LRP4: variants seen among roughly 807,000 people sequenced by gnomAD.
LRP4 encodes LDL receptor related protein 4.
LRP4 carries 95 observed loss-of-function variants against 220.3 expected under a neutral mutation model. The observed-to-expected ratio is 0.43, with a 90% CI of 0.37 to 0.51. The LOEUF is 0.51. Ranked by LOEUF, LRP4 falls within the 20% of genes least tolerant of loss-of-function variation. LRP4 has a pLI of 0.00. For synonymous variants in LRP4, 903 were observed against 954.6 expected (o/e 0.95, Z 1.00); for missense variants, 1,925 against 2,567.0 (o/e 0.75, Z 5.40).
At chr11:46,897,334 C>CTTTTTTTTTTTTTTTTTTTTTT in intron 7 of LRP4, among the ~76,000 whole-genome samples, 1 of 128,098 alleles carries the variant, frequency 7.8e-6, no homozygotes, top group South Asian at 2.5e-4. Context: ...GCCTGTTTGT[C>CTTTTTTTTTTTTTTTTTTTTTT]TTTTTTTTTT....
chr11:46,890,230 G>T lies in LRP4; in HGVS notation c.1915+47C>A, dbSNP rs2306037. 1 of 1,606,658 alleles carries T rather than the reference G, an allele frequency of 6.2e-7. No individual in the cohort carries two copies. The highest frequency in any genetic ancestry group is 1.1e-5 in the South Asian group (1 of 90,906). On this transcript the variant is annotated intron_variant, in intron 14 of 37. Transcript: ENST00000378623. The surrounding 1 kb of genome is among the most constrained non-coding windows in gnomAD (Gnocchi z 5.3). ...ACCAAGGCTCCTGGGGGGCAGGGAC[G>T]GGGGCAGGAGGACAAGAGATGAAGG...
At chr11:46,871,784 C>A in intron 30 of LRP4, 151 bp from the exon 31 acceptor site, 1 of 696,422 alleles carries the variant, frequency 1.4e-6, no homozygotes, top group Admixed American at 2.0e-5. Flanking sequence ...TTGTGAGTCC[C>A]AAAGCTGAAG....
chr11:46,872,941 A>T, intron 30 of LRP4, 159 bp downstream of exon 30: 1 of 1,100,266 alleles, frequency 9.1e-7, no homozygotes, highest in Non-Finnish European at 1.4e-6. Flanking sequence ...GGATTTAGCA[A>T]TCGCTGCTCT....
chr11:46,894,584 C>T lies in LRP4; in HGVS notation c.1540+5G>A. 6.3e-7 allele frequency: 1 copy of T among 1,594,950 alleles called. No homozygotes were observed. Among genetic ancestry groups the T allele is most frequent in the Non-Finnish European group, 8.5e-7 (1 of 1,169,964 alleles). Reference sequence around the variant, plus strand: ...TGCCCCTCTCCATGGGGCCTTGTTCCCTACCTGGGCTCTCCAGCCCAGTAG... The same window carrying T: ...TGCCCCTCTCCATGGGGCCTTGTTCTCTACCTGGGCTCTCCAGCCCAGTAG... On this transcript the variant is annotated splice_donor_5th_base_variant and intron_variant, in intron 12 of 37. Transcript: ENST00000378623.
chr11:46,900,002 C>T, intron 3 of LRP4, 26 bp from the exon 4 acceptor site: 2 of 1,574,508 alleles, frequency 1.3e-6, no homozygotes, highest in South Asian at 2.2e-5. Flanking sequence ...AGTCAGGCTG[C>T]TGCAGGCAGT....
At position 46,881,058 on chromosome 11, in the gene LRP4, C is replaced by CAAAAAAAAAAAAAA. The variant is rs60125188; in HGVS notation, c.2814+630_2814+643dup. ...CAGCATGACCCTGCCTCTAAAAAAC[C>CAAAAAAAAAAAAAA]AAAAAAAAAAAAAAAAAAAAAAAAA... On this transcript the variant is annotated intron_variant, in intron 20 of 37. Coordinates refer to ENST00000378623, the MANE Select transcript of LRP4 (RefSeq NM_002334.4). 2.0e-4 allele frequency among the ~76,000 whole-genome samples: 11 copies of CAAAAAAAAAAAAAA among 56,108 alleles called. 1 individual carries two copies. The highest frequency in any genetic ancestry group is 1.4e-3 in the East Asian group (2 of 1,478). 36.8% of individuals were successfully genotyped at this position (56,108 alleles called of 152,430 possible). A position where few individuals can be genotyped will look rare whatever the true frequency, so the allele number is the denominator to read the frequency against.
chr11:46,861,409 A>C (rs1293068638), intron 37 of LRP4, among the ~76,000 whole-genome samples: 1 of 152,156 alleles, frequency 6.6e-6, no homozygotes, highest in Non-Finnish European at 1.5e-5. Flanking sequence ...GAGGATCTTC[A>C]TAAGGAATAA....
At position 46,873,183 on chromosome 11, in the gene LRP4, G is replaced by C. The variant is rs369665635; in HGVS notation, c.4500C>G (p.Asn1500Lys). The change falls in exon 30 of 38, where the codon AAC (asparagine) becomes AAG (lysine). Residue 1500 changes from asparagine (N) to lysine (K), a missense_variant. Asn to Lys is a moderately conservative substitution (Grantham distance 94, BLOSUM62 0). This residue lies in a region of LRP4 where 1,244 missense variants were observed against 1,624.9 expected (regional missense o/e 0.77). Transcript: ENST00000378623. This position sits in a 1 kb window ranked among gnomAD's most constrained non-coding sequence, Gnocchi z 4.2. ...WGHIAKIERANLDGSERKVLI... is the reference protein window; with the variant it reads ...WGHIAKIERAKLDGSERKVLI... ...GGACCTTCCGCTCAGAACCATCCAAGTTTGCCCGTTCGATCTTGGCAATGT... is the reference window on the plus strand; with the variant it reads ...GGACCTTCCGCTCAGAACCATCCAACTTTGCCCGTTCGATCTTGGCAATGT... 1.9e-6 allele frequency: 3 copies of C among 1,614,076 alleles called. No homozygotes were observed. The highest frequency in any genetic ancestry group is 2.5e-6 in the Non-Finnish European group (3 of 1,180,052).
chr11:46,895,771 G>A (rs1273512453), intron 10 of LRP4, 113 bp downstream of exon 10: 3 of 1,453,044 alleles, frequency 2.1e-6, no homozygotes, highest in African/African-American at 2.8e-5. Flanking sequence ...GGGTTATTGT[G>A]AGGACGAAAT....
At position 46,873,056 on chromosome 11, in the gene LRP4, T is replaced by C. The variant is rs751065296; in HGVS notation, c.4583+44A>G. The C allele has an allele frequency of 6.2e-7, 1 of 1,613,798 alleles. No homozygotes were observed. The highest frequency in any genetic ancestry group is 8.5e-7 in the Non-Finnish European group (1 of 1,179,840). ...GGTTAATCTCAACCATTCTCTCTTC[T>C]GCCCACCCGATTTCCAGGAGGCTGT... On this transcript the variant is annotated intron_variant, in intron 30 of 37. Transcript: ENST00000378623. This position sits in a 1 kb window ranked among gnomAD's most constrained non-coding sequence, Gnocchi z 4.2.
intron 1 of LRP4, among the ~76,000 whole-genome samples, chr11:46,903,287 A>G (rs1261020057): frequency 1.3e-5 from 2 of 152,172 alleles, no homozygotes; most frequent in Admixed American, 1.3e-4. Context: ...TGAGCTCAGA[A>G]GTTCAAGACC....
chr11:46,860,337 T>C (rs952828978), intron 37 of LRP4, among the ~76,000 whole-genome samples: 2 of 152,010 alleles, frequency 1.3e-5, no homozygotes, highest in South Asian at 4.2e-4. Context: ...CTTATAACCT[T>C]TTTTGGGAGG....
chr11:46,902,296 T>C (rs551789331), intron 2 of LRP4, among the ~76,000 whole-genome samples: 1 of 148,040 alleles, frequency 6.8e-6, no homozygotes, highest in Admixed American at 6.8e-5. Flanking sequence ...GAGGTGGAGG[T>C]TGCAGTGAGC....
At chr11:46,882,299 T>C (rs1175577202) in intron 19 of LRP4, among the ~76,000 whole-genome samples, 2 of 150,862 alleles carry the variant, frequency 1.3e-5, no homozygotes, top group African/African-American at 4.9e-5. Flanking sequence ...CTGGGCAACA[T>C]AGTAGGATCC....
At chr11:46,888,548 C>CAAAAAAAA (rs71042635) in intron 16 of LRP4, among the ~76,000 whole-genome samples, 3,768 of 31,066 alleles carry the variant, frequency 0.12, 1,067 homozygotes, top group Non-Finnish European at 0.2. Context: ...AAAACTGTCT[C>CAAAAAAAA]AAAAAAAAAA....
At chr11:46,909,526 A>G (rs971403451) in intron 1 of LRP4, among the ~76,000 whole-genome samples, 26 of 89,798 alleles carry the variant, frequency 2.9e-4, no homozygotes, top group African/African-American at 8.9e-4. Context: ...AATGGCGTGA[A>G]CCCGGGAAGC....
chr11:46,912,964 T>C (rs1163430429), intron 1 of LRP4, among the ~76,000 whole-genome samples: 1 of 152,064 alleles, frequency 6.6e-6, no homozygotes, highest in African/African-American at 2.4e-5. Context: ...TGCTTGCCGC[T>C]CTGATCCTCA....
chr11:46,889,862 A>C, intron 15 of LRP4, 82 bp downstream of exon 15: 1 of 1,492,070 alleles, frequency 6.7e-7, no homozygotes, highest in East Asian at 2.3e-5. Context: ...GGCAACTCTA[A>C]GGGGAAGGAA....
intron 2 of LRP4, among the ~76,000 whole-genome samples, chr11:46,902,442 T>C (rs1941684632): frequency 6.7e-6 from 1 of 149,928 alleles, no homozygotes; most frequent in Non-Finnish European, 1.5e-5. Context: ...GTATAGTATA[T>C]AAATTTTAAA....
Sources: allele counts gnomAD v4.1 joint callset (sites outside exome capture counted in the v4.1 genomes callset), GRCh38; gene constraint gnomAD v4.1.1; regional missense constraint gnomAD v4.1.1; non-coding constraint Gnocchi (gnomAD v3.1); transcripts MANE v1.5; gene names NCBI Gene and HGNC (gene_info 2026-07-23, HGNC 2026-07-21).